The following SUMF1 variants were observed in gnomAD, a reference collection of about 807,000 sequenced individuals.
SUMF1 encodes sulfatase modifying factor 1, also known as formylglycine-generating enzyme.
In SUMF1, 48 loss-of-function variants were observed where a neutral mutation model predicts 47.6. The ratio of observed to expected loss-of-function variants is 1.01; its 90% CI spans 0.80 to 1.28. The LOEUF (loss-of-function observed/expected upper bound fraction) is 1.28. SUMF1 is among the 50% of genes most tolerant of loss of function. The pLI is 0.00. For missense variants in SUMF1, 571 were observed against 485.4 expected (o/e 1.18, Z -1.66); for synonymous variants, 230 against 192.1 (o/e 1.20, Z -1.63).
intron 8 of SUMF1, among the ~76,000 whole-genome samples, chr3:4,127,498 G>A (rs1049954406): frequency 1.1e-4 from 16 of 152,108 alleles, no homozygotes; most frequent in Admixed American, 1.0e-3. Context: ...TGTGAAAAGA[G>A]AGACTAGCTT....
intron 8 of SUMF1, among the ~76,000 whole-genome samples, chr3:4,350,349 GTGTGTATAAT>G (rs145690019): frequency 0.25 from 19,067 of 75,452 alleles, 1,203 homozygotes; most frequent in South Asian, 0.4. Flanking sequence ...GTGTGTGTGT[GTGTGTATAAT>G]TGTGTGTGTA....
intron 8 of SUMF1, among the ~76,000 whole-genome samples, chr3:4,251,165 T>A (rs1448943215): frequency 6.6e-6 from 1 of 151,750 alleles, no homozygotes; most frequent in African/African-American, 2.4e-5. Context: ...CTAATAGGAG[T>A]TTGGAAAAAG....
chr3:4,254,466 TG>T lies in SUMF1; in HGVS notation c.1014+121863del, dbSNP rs1297807710. Among the ~76,000 whole-genome samples the T allele has an allele frequency of 3.7e-4, 55 of 150,146 alleles. 1 individual carries two copies. Among genetic ancestry groups the T allele is most frequent in the Non-Finnish European group, 6.4e-4 (43 of 67,482 alleles). On this transcript the variant is annotated intron_variant and NMD_transcript_variant, in intron 8 of 12. Coordinates refer to the SUMF1 transcript ENST00000448413. ...CAAGGCTCGAGAACTACGTGAAGAATGCAGAAGCCTCAGGAGCCGATGCCAT... is the reference window on the plus strand; with the variant it reads ...CAAGGCTCGAGAACTACGTGAAGAATCAGAAGCCTCAGGAGCCGATGCCAT...
At chr3:4,165,869 C>G (rs964791013) in intron 8 of SUMF1, among the ~76,000 whole-genome samples, 11 of 146,016 alleles carry the variant, frequency 7.5e-5, no homozygotes, top group South Asian at 2.4e-4. Flanking sequence ...GTTTCCCCCC[C>G]CCCCCCGAGC....
chr3:4,349,335 T>C (rs1559236915), intron 8 of SUMF1, among the ~76,000 whole-genome samples: 1 of 152,096 alleles, frequency 6.6e-6, no homozygotes, highest in Non-Finnish European at 1.5e-5. Flanking sequence ...CAAGAAACAA[T>C]AGAGGCTAGT....
chr3:4,415,873 C>T (rs1055282735), intron 6 of SUMF1, among the ~76,000 whole-genome samples: 4 of 152,100 alleles, frequency 2.6e-5, no homozygotes, highest in Non-Finnish European at 5.9e-5. Flanking sequence ...TGCTCTTTTG[C>T]CCGCCTTCTG....
At chr3:4,340,277 CT>C (rs1412914842) in intron 8 of SUMF1, among the ~76,000 whole-genome samples, 3 of 152,194 alleles carry the variant, frequency 2.0e-5, no homozygotes, top group Non-Finnish European at 4.4e-5. Flanking sequence ...TTACCACACA[CT>C]GTACCCACAC....
chr3:4,185,035 C>T (rs1387412311), intron 8 of SUMF1, among the ~76,000 whole-genome samples: 2 of 152,118 alleles, frequency 1.3e-5, no homozygotes, highest in Non-Finnish European at 2.9e-5. Context: ...ATTTCCTATA[C>T]AAGGAGATTT....
At chr3:4,095,617 C>T (rs1692883962) in intron 8 of SUMF1, among the ~76,000 whole-genome samples, 2 of 152,010 alleles carry the variant, frequency 1.3e-5, no homozygotes, top group Non-Finnish European at 2.9e-5. Context: ...AGCATGTCTA[C>T]TACAAGATGC....
chr3:4,161,706 C>A (rs1270259176), intron 8 of SUMF1, among the ~76,000 whole-genome samples: 2 of 152,060 alleles, frequency 1.3e-5, no homozygotes, highest in Admixed American at 6.5e-5. Flanking sequence ...AGTGGGCTCC[C>A]CTCTGATCTA....
intron 8 of SUMF1, among the ~76,000 whole-genome samples, chr3:4,325,518 T>C (rs546878371): frequency 3.0e-4 from 45 of 152,168 alleles, no homozygotes; most frequent in Non-Finnish European, 4.6e-4. Flanking sequence ...GAAGGTGGCA[T>C]ATATGTATGT....
chr3:4,093,455 C>A (rs1020872163), intron 8 of SUMF1, among the ~76,000 whole-genome samples: 3 of 151,926 alleles, frequency 2.0e-5, no homozygotes, highest in African/African-American at 7.3e-5. Context: ...AGGGAGCAAG[C>A]ACCTAACAGT....
At chr3:4,082,418 G>A (rs573300158) in intron 8 of SUMF1, among the ~76,000 whole-genome samples, 3 of 152,202 alleles carry the variant, frequency 2.0e-5, no homozygotes, top group East Asian at 3.9e-4. Flanking sequence ...GCAATGAGCC[G>A]TGTTCATGCC....
chr3:4,455,795 A>C (rs1389099169), intron 1 of SUMF1, among the ~76,000 whole-genome samples: 2 of 152,302 alleles, frequency 1.3e-5, no homozygotes, highest in East Asian at 3.9e-4. Flanking sequence ...ATTCTAATTT[A>C]AAGAAGAACT....
intron 8 of SUMF1, among the ~76,000 whole-genome samples, chr3:4,145,853 T>C (rs553783370): frequency 1.3e-5 from 2 of 152,272 alleles, no homozygotes; most frequent in African/African-American, 4.8e-5. Flanking sequence ...CCCAGCCCCA[T>C]TCATCTCTTC....
intron 7 of SUMF1, among the ~76,000 whole-genome samples, chr3:4,378,616 G>C (rs1700401833): frequency 6.6e-6 from 1 of 152,194 alleles, no homozygotes; most frequent in Admixed American, 6.5e-5. Flanking sequence ...GGAATATCTA[G>C]AATCTGACAA....
chr3:4,267,980 C>T (rs1410152249), intron 8 of SUMF1, among the ~76,000 whole-genome samples: 1 of 131,902 alleles, frequency 7.6e-6, no homozygotes, highest in East Asian at 2.0e-4. Flanking sequence ...AGACTTGGAA[C>T]CAACCCAAAT....
At chr3:4,092,399 G>C (rs372549905) in intron 8 of SUMF1, among the ~76,000 whole-genome samples, 5 of 152,118 alleles carry the variant, frequency 3.3e-5, no homozygotes, top group Admixed American at 1.3e-4. Context: ...TTTTCAGAGG[G>C]TGGTGAATTT....
At chr3:4,260,631 A>C (rs1229006148) in intron 8 of SUMF1, among the ~76,000 whole-genome samples, 3 of 152,192 alleles carry the variant, frequency 2.0e-5, no homozygotes, top group Non-Finnish European at 4.4e-5. Flanking sequence ...GCTACTCAGA[A>C]GGCTAAGGCA....
Sources: gnomAD v4.1 joint callset for allele counts (sites outside exome capture counted in the v4.1 genomes callset) on GRCh38, gnomAD v4.1.1 for gene constraint, MANE v1.5 for transcripts, NCBI Gene and HGNC (gene_info 2026-07-23, HGNC 2026-07-21) for gene names.